ZFAT: variants seen among roughly 807,000 people sequenced by gnomAD.
The protein encoded by ZFAT is zinc finger and AT-hook domain containing.
In ZFAT, 64 loss-of-function variants were observed where a neutral mutation model predicts 117.7. That is an observed-to-expected ratio of 0.54 (90% confidence interval 0.44 to 0.67). ZFAT has a LOEUF of 0.67. ZFAT is among the 30% of genes least tolerant of loss of function. ZFAT has a pLI of 0.00. For missense variants in ZFAT, 1,433 were observed against 1,584.5 expected (o/e 0.90, Z 1.62); for synonymous variants, 679 against 615.0 (o/e 1.10, Z -1.54).
Position 134,712,738 on chromosome 8 carries a change from C to G in ZFAT, c.19+107G>C, listed in dbSNP as rs1163529001. 1.7e-4 allele frequency: 196 copies of G among 1,140,568 alleles called. 6 individuals are homozygous for G. The South Asian group carries it at 3.3e-3, about 19-fold the overall frequency. 70.7% of individuals were successfully genotyped at this position (1,140,568 alleles called of 1,614,324 possible). On this transcript the variant is annotated intron_variant, in intron 1 of 15. Transcript: ENST00000377838. ...CCCTCCGCGGCCGGCGGCCGGCGGC[C>G]GGCGGCCGGCGCACTGCTTCCCGAC...
At chr8:134,666,819 GAGT>G (rs1457671789) in intron 1 of ZFAT, among the ~76,000 whole-genome samples, 2 of 152,198 alleles carry the variant, frequency 1.3e-5, no homozygotes, top group African/African-American at 4.8e-5. Context: ...AAGAAAAAGA[GAGT>G]AGAAGTGGGA....
intron 3 of ZFAT, among the ~76,000 whole-genome samples, chr8:134,624,108 T>G (rs534045770): frequency 1.3e-5 from 2 of 151,842 alleles, no homozygotes; most frequent in Non-Finnish European, 1.5e-5. Flanking sequence ...GATGCACTCA[T>G]GAATGACCCA....
the ZFAT span, among the ~76,000 whole-genome samples, chr8:134,823,506 TTCA>T: frequency 6.6e-6 from 1 of 152,170 alleles, no homozygotes; most frequent in South Asian, 2.1e-4. Context: ...TATCATTGTG[TTCA>T]TTTTACTGAT....
the ZFAT span, among the ~76,000 whole-genome samples, chr8:134,788,285 C>T: frequency 0.21 from 31,444 of 152,036 alleles, 3,518 homozygotes; most frequent in African/African-American, 0.26. Context: ...TTTTCCTCCA[C>T]GCACTGCTTC....
chr8:134,601,976 C>G lies in ZFAT; in HGVS notation c.1743G>C (p.Val581=). The change falls in exon 6 of 16, where the codon GTG becomes GTC. Residue 581 remains valine, a synonymous_variant. Transcript: ENST00000377838. ...ALPPCELETT[V]VSSSDLHSQE... is the part of the protein sequence containing the mutation. The stretch of plus-strand genomic sequence containing the variant: ...GAGAATGCAGGTCTGAGGAGGAGAC[C>G]ACGGTGGTTTCCAGCTCACAGGGTG... 1 of 1,613,744 alleles carries G rather than the reference C, an allele frequency of 6.2e-7. No individual in the cohort carries two copies. Among genetic ancestry groups the G allele is most frequent in the Non-Finnish European group, 8.5e-7 (1 of 1,179,942 alleles).
chr8:134,563,205 CAT>C (rs1824172043), intron 11 of ZFAT, among the ~76,000 whole-genome samples: 1 of 152,210 alleles, frequency 6.6e-6, no homozygotes, highest in Admixed American at 6.5e-5. Context: ...CACTAGGTGA[CAT>C]ATGAGTCCTA....
intron 12 of ZFAT, among the ~76,000 whole-genome samples, chr8:134,531,385 A>G (rs1309875757): frequency 6.6e-6 from 1 of 152,198 alleles, no homozygotes; most frequent in East Asian, 1.9e-4. Flanking sequence ...CCCCTCTGTG[A>G]TTCCTGGACA....
chr8:134,509,106 GATTA>G (rs1260235676), intron 15 of ZFAT, among the ~76,000 whole-genome samples: 3 of 152,192 alleles, frequency 2.0e-5, no homozygotes, highest in Admixed American at 6.5e-5. Context: ...GCAGATAAAG[GATTA>G]ATTAAGTGGA....
intron 1 of ZFAT, among the ~76,000 whole-genome samples, chr8:134,682,725 A>G (rs756911309): frequency 9.9e-5 from 15 of 152,224 alleles, no homozygotes; most frequent in Non-Finnish European, 1.9e-4. Context: ...AAACATTTCC[A>G]TATAACTGGG....
At chr8:134,754,853 TGCA>T in the ZFAT span, among the ~76,000 whole-genome samples, 1 of 149,602 alleles carries the variant, frequency 6.7e-6, no homozygotes, top group African/African-American at 2.5e-5. Flanking sequence ...TGACAAAGGA[TGCA>T]GCAAGTCCTC....
chr8:134,755,817 C>CAAAAAAAAAAAAAA, the ZFAT span, among the ~76,000 whole-genome samples: 1 of 90,018 alleles, frequency 1.1e-5, no homozygotes, highest in Non-Finnish European at 2.1e-5. Flanking sequence ...GACTCCATCT[C>CAAAAAAAAAAAAAA]AAAAAAAAAA....
At chr8:134,794,848 A>C in the ZFAT span, 1 of 152,262 alleles carries the variant, frequency 6.6e-6, no homozygotes, top group Non-Finnish European at 1.5e-5. Context: ...ACACTGAGGG[A>C]GCTCACATGA....
At chr8:134,759,122 C>T in the ZFAT span, among the ~76,000 whole-genome samples, 97 of 152,288 alleles carry the variant, frequency 6.4e-4, no homozygotes, top group Middle Eastern at 3.4e-3. Flanking sequence ...AATTCAGACA[C>T]GAGGCAGGAC....
chr8:134,594,213 C>G (rs1329332595), intron 7 of ZFAT, among the ~76,000 whole-genome samples: 1 of 152,204 alleles, frequency 6.6e-6, no homozygotes, highest in African/African-American at 2.4e-5. Flanking sequence ...AATGGAGCAA[C>G]ACAGAAACAA....
At chr8:134,582,430 T>C (rs1362430574) in intron 10 of ZFAT, among the ~76,000 whole-genome samples, 1 of 152,258 alleles carries the variant, frequency 6.6e-6, no homozygotes, top group Non-Finnish European at 1.5e-5. Flanking sequence ...TTATGTGCTA[T>C]CATCATCTTA....
At chr8:134,565,215 G>C in intron 11 of ZFAT, 118 bp downstream of exon 11, 1 of 1,551,376 alleles carries the variant, frequency 6.4e-7, no homozygotes, top group Non-Finnish European at 8.7e-7. Context: ...CCAGCTAAGG[G>C]GGCCCCAAAG....
chr8:134,647,755 T>G (rs941843950), intron 2 of ZFAT, among the ~76,000 whole-genome samples: 3 of 152,214 alleles, frequency 2.0e-5, no homozygotes, highest in African/African-American at 7.2e-5. Flanking sequence ...CGATCCCATT[T>G]ATAATAGCGT....
At chr8:134,581,712 G>A (rs1825723888) in intron 10 of ZFAT, among the ~76,000 whole-genome samples, 1 of 152,158 alleles carries the variant, frequency 6.6e-6, no homozygotes, top group South Asian at 2.1e-4. Flanking sequence ...AGCCTACCAA[G>A]TAGCTGGGAC....
At chr8:134,714,010 G>A (rs1461834340), upstream of ZFAT, among the ~76,000 whole-genome samples, 1 of 138,840 alleles carries the variant, frequency 7.2e-6, no homozygotes, top group East Asian at 2.1e-4. Context: ...GACAAATAAC[G>A]TTTTTCACTT....
Sources: allele counts gnomAD v4.1 joint callset (sites outside exome capture counted in the v4.1 genomes callset), GRCh38; gene constraint gnomAD v4.1.1; transcripts MANE v1.5; gene names NCBI Gene and HGNC (gene_info 2026-07-23, HGNC 2026-07-21).